SRRM3: variants seen among roughly 807,000 people sequenced by gnomAD.
The protein encoded by SRRM3 is serine/arginine repetitive matrix 3.
SRRM3 carries 27 observed loss-of-function variants against 66.2 expected under a neutral mutation model. The ratio of observed to expected loss-of-function variants is 0.41; its 90% confidence interval spans 0.30 to 0.56. The LOEUF is 0.56. Among genes scored for constraint, SRRM3 ranks in the 20% least tolerant of loss-of-function variants. SRRM3 has a pLI of 0.32. For synonymous variants in SRRM3, 391 were observed against 414.9 expected, an observed-to-expected ratio of 0.94 and a Z score of 0.70; for missense variants, 918 against 991.9, an observed-to-expected ratio of 0.93 and a Z score of 1.00.
chr7:76,264,270 G>A (rs1309077982), intron 8 of SRRM3, among the ~76,000 whole-genome samples: 2 of 150,806 alleles, frequency 1.3e-5, no homozygotes, highest in African/African-American at 2.4e-5. Context: ...AGGTTCAAGC[G>A]ATTCTCTTGC....
At chr7:76,227,458 C>G (rs1343152971) in intron 1 of SRRM3, among the ~76,000 whole-genome samples, 1 of 152,192 alleles carries the variant, frequency 6.6e-6, no homozygotes, top group Non-Finnish European at 1.5e-5. Context: ...CTGCCTCCCC[C>G]ATCCCACATC....
chr7:76,202,719 C>G (rs1016508356), intron 1 of SRRM3, among the ~76,000 whole-genome samples: 2 of 152,100 alleles, frequency 1.3e-5, no homozygotes, highest in Non-Finnish European at 2.9e-5. Context: ...AGTTTCTAGC[C>G]CAGAGTTAGA....
intron 3 of SRRM3, among the ~76,000 whole-genome samples, chr7:76,256,337 T>A (rs1396147150): frequency 7.2e-5 from 11 of 151,954 alleles, no homozygotes; most frequent in African/African-American, 2.7e-4. Context: ...TGAAACCCCG[T>A]CTCTACTAAA....
At chr7:76,251,880 C>T (rs183708809) in intron 3 of SRRM3, among the ~76,000 whole-genome samples, 3 of 152,020 alleles carry the variant, frequency 2.0e-5, no homozygotes, top group Admixed American at 6.6e-5. Flanking sequence ...CTGGCCAACA[C>T]GGTGAAACCC....
intron 12 of SRRM3, 43 bp from the exon 13 acceptor site, chr7:76,282,595 CAGCCCCCTTT>C: frequency 9.4e-7 from 1 of 1,069,436 alleles, no homozygotes; most frequent in Non-Finnish European, 1.3e-6. Context: ...TCCCCGCCCC[CAGCCCCCTTT>C]CCGGGTCGCT....
chr7:76,275,105 CAAAA>C (rs199917871), intron 11 of SRRM3, among the ~76,000 whole-genome samples: 2 of 85,624 alleles, frequency 2.3e-5, no homozygotes, highest in African/African-American at 4.5e-5. Context: ...GACTCAGTCT[CAAAA>C]AAAAAAAAAA....
chr7:76,267,096 G>T (rs1236097926), intron 10 of SRRM3, among the ~76,000 whole-genome samples, 162 bp from the exon 11 acceptor site: 1 of 152,152 alleles, frequency 6.6e-6, no homozygotes, highest in Non-Finnish European at 1.5e-5. Flanking sequence ...GCTCACCCTG[G>T]TCAAGCCCTC....
intron 1 of SRRM3, among the ~76,000 whole-genome samples, chr7:76,229,735 CTTCTTCTTT>C (rs1800964812): frequency 6.7e-6 from 1 of 149,116 alleles, no homozygotes; most frequent in African/African-American, 2.5e-5. Flanking sequence ...CTTTCTTCTT[CTTCTTCTTT>C]TTTTTTTTTT....
intron 1 of SRRM3, among the ~76,000 whole-genome samples, chr7:76,212,162 C>CTTTTT (rs57681676): frequency 9.9e-6 from 1 of 101,020 alleles, no homozygotes; most frequent in Non-Finnish European, 1.9e-5. Flanking sequence ...CTGAGGTCTG[C>CTTTTT]TTTTTTTTTT....
intron 3 of SRRM3, among the ~76,000 whole-genome samples, chr7:76,253,224 C>T (rs541428830): frequency 2.6e-5 from 4 of 152,004 alleles, no homozygotes; most frequent in East Asian, 1.9e-4. Context: ...CAGTGGCTCA[C>T]GCCCGTAATC....
rs563616786 is a variant in SRRM3 at position 76,260,931 on chromosome 7, C to T, written c.575+28C>T. ...CAGTGGGGACAGAGCTGGCTGGGGC[C>T]AGGGCGGGGGATGTCTGTGGGTGGG... On this transcript the variant is annotated intron_variant, in intron 6 of 14. Coordinates refer to ENST00000611745, the MANE Select transcript of SRRM3 (RefSeq NM_001110199.3). 1.9e-5 allele frequency: 29 copies of T among 1,554,648 alleles called. No individual in the cohort carries two copies. In the East Asian group the frequency reaches 6.5e-4, roughly 35 times the overall value.
intron 1 of SRRM3, among the ~76,000 whole-genome samples, chr7:76,204,007 C>T (rs980355211): frequency 3.9e-5 from 6 of 152,138 alleles, no homozygotes; most frequent in African/African-American, 1.2e-4. Context: ...GTCACACCTG[C>T]CAAAGGGGGG....
intron 10 of SRRM3, 68 bp from the exon 11 acceptor site, chr7:76,267,190 A>C (rs1284141293): frequency 7.4e-6 from 10 of 1,359,926 alleles, no homozygotes; most frequent in Non-Finnish European, 9.6e-6. Context: ...GGGAAAGAGG[A>C]GGCGCAACTG....
chr7:76,253,810 A>T (rs925908391), intron 3 of SRRM3, among the ~76,000 whole-genome samples: 1 of 139,224 alleles, frequency 7.2e-6, no homozygotes, highest in East Asian at 2.3e-4. Context: ...AAAAAAAAAA[A>T]GGACATTGTT....
At chr7:76,211,173 C>T (rs782798004) in intron 1 of SRRM3, among the ~76,000 whole-genome samples, 19 of 152,316 alleles carry the variant, frequency 1.2e-4, no homozygotes, top group Non-Finnish European at 2.1e-4. Context: ...ACCGGGACAC[C>T]GGTGTGGGGA....
chr7:76,264,420 C>T (rs2117068077), intron 8 of SRRM3, among the ~76,000 whole-genome samples: 1 of 152,272 alleles, frequency 6.6e-6, no homozygotes, highest in South Asian at 2.1e-4. Context: ...CTGGCCTCAG[C>T]CTCCCAAAGT....
intron 2 of SRRM3, among the ~76,000 whole-genome samples, chr7:76,235,567 T>G (rs1801124139): frequency 6.6e-6 from 1 of 152,108 alleles, no homozygotes; most frequent in Non-Finnish European, 1.5e-5. Flanking sequence ...TAATCACGGT[T>G]TTTGCCATTA....
rs1462119894 is a variant in SRRM3, at chr7:76,286,009, C to A, written c.*166C>A. 11 of 729,236 alleles carry A rather than the reference C, an allele frequency of 1.5e-5. No homozygotes were observed. The highest frequency in any genetic ancestry group is 5.4e-5 in the African/African-American group (3 of 56,000). 45.2% of individuals were successfully genotyped at this position (729,236 alleles called of 1,614,324 possible). ...GACCGGGGAAGACTTTGAGGGTGGGCATCCAGTGGACAAGGAGAAGCCAGA... is the reference window on the plus strand; with the variant it reads ...GACCGGGGAAGACTTTGAGGGTGGGAATCCAGTGGACAAGGAGAAGCCAGA... On this transcript the variant is annotated 3_prime_UTR_variant, in exon 15 of 15. Transcript: ENST00000611745.
intron 2 of SRRM3, among the ~76,000 whole-genome samples, chr7:76,242,699 T>C (rs897085611): frequency 1.3e-5 from 2 of 152,098 alleles, no homozygotes; most frequent in African/African-American, 4.8e-5. Context: ...TCTGGGGTGA[T>C]GGGAGACAGT....
Sources: gnomAD v4.1 joint callset for allele counts (sites outside exome capture counted in the v4.1 genomes callset) on GRCh38, gnomAD v4.1.1 for gene constraint, MANE v1.5 for transcripts, NCBI Gene and HGNC (gene_info 2026-07-23, HGNC 2026-07-21) for gene names.